The following DCLK2 variants were observed in gnomAD, a reference collection of about 807,000 sequenced individuals.
The protein encoded by DCLK2 is serine/threonine-protein kinase DCLK2.
A neutral mutation model predicts 78.4 loss-of-function variants in DCLK2; 31 were observed. The observed-to-expected ratio is 0.40, with a 90% CI of 0.30 to 0.53. The LOEUF (loss-of-function observed/expected upper bound fraction) is 0.53, where lower values mean the gene tolerates loss of function less well. Ranked by LOEUF, DCLK2 falls within the 20% of genes least tolerant of loss-of-function variation. The probability of loss-of-function intolerance (pLI) is 0.61; values close to 1 mark genes in which losing one functional copy is unlikely to be tolerated. For missense variants in DCLK2, 872 were observed against 973.7 expected (o/e 0.90, Z 1.39); for synonymous variants, 407 against 374.9 (o/e 1.09, Z -0.99).
At chr4:150,242,318 G>A (rs959029583) in intron 12 of DCLK2, among the ~76,000 whole-genome samples, 3 of 152,198 alleles carry the variant, frequency 2.0e-5, no homozygotes, top group Non-Finnish European at 4.4e-5. Context: ...GCATTTGAGT[G>A]AGACCTTTGT....
chr4:150,255,990 A>G (rs1381297713), intron 15 of DCLK2, 30 bp from the exon 16 acceptor site: 14 of 1,602,398 alleles, frequency 8.7e-6, no homozygotes, highest in East Asian at 2.3e-5. Context: ...GGGCCCGGGT[A>G]ATGTGTTGTC....
At chr4:150,085,259 C>G (rs546349268) in intron 1 of DCLK2, among the ~76,000 whole-genome samples, 14 of 152,264 alleles carry the variant, frequency 9.2e-5, no homozygotes, top group Admixed American at 2.0e-4. Context: ...TGGGAGGTGT[C>G]TTGGTTCATT....
chr4:150,088,176 A>G (rs1729776335), intron 1 of DCLK2, among the ~76,000 whole-genome samples: 2 of 152,160 alleles, frequency 1.3e-5, no homozygotes, highest in African/African-American at 4.8e-5. Flanking sequence ...CTGAAGAATC[A>G]AGAAAAAAGG....
intron 7 of DCLK2, among the ~76,000 whole-genome samples, 191 bp downstream of exon 7, chr4:150,221,976 G>GTTTATTTA (rs1301938606): frequency 6.4e-4 from 91 of 141,968 alleles, no homozygotes; most frequent in African/African-American, 2.4e-3. Context: ...TTGTTTGTTT[G>GTTTATTTA]TTTATTTATT....
chr4:150,118,350 A>G (rs1308733116), intron 2 of DCLK2, among the ~76,000 whole-genome samples: 2 of 152,194 alleles, frequency 1.3e-5, no homozygotes, highest in African/African-American at 4.8e-5. Context: ...GCAAAATTAT[A>G]CTTTGAGTAG....
At chr4:150,179,169 A>G (rs983919912) in intron 2 of DCLK2, among the ~76,000 whole-genome samples, 1 of 152,048 alleles carries the variant, frequency 6.6e-6, no homozygotes, top group Non-Finnish European at 1.5e-5. Context: ...CTGGGACTAC[A>G]GGCGCCCGCC....
chr4:150,141,833 A>G (rs554881965), intron 2 of DCLK2, among the ~76,000 whole-genome samples: 1 of 152,320 alleles, frequency 6.6e-6, no homozygotes, highest in African/African-American at 2.4e-5. Context: ...TTGTTTTCCA[A>G]GACAAGGAAT....
chr4:150,200,471 T>TTTATCTGTATAGTGC (rs879476188), intron 4 of DCLK2, among the ~76,000 whole-genome samples: 1 of 152,224 alleles, frequency 6.6e-6, no homozygotes, highest in Non-Finnish European at 1.5e-5. Context: ...AGCTACTATA[T>TTTATCTGTATAGTGC]TTATCTGTAT....
chr4:150,215,997 A>G (rs1740689297), intron 5 of DCLK2, among the ~76,000 whole-genome samples: 1 of 152,244 alleles, frequency 6.6e-6, no homozygotes, highest in Non-Finnish European at 1.5e-5. Context: ...ACATGGATGA[A>G]AACCAGTATA....
At position 150,197,582 on chromosome 4, in the gene DCLK2, C is replaced by T. The variant is rs576068101; in HGVS notation, c.860-420C>T. Among the ~76,000 whole-genome samples, 712 of 152,092 alleles carry T rather than the reference C, an allele frequency of 4.7e-3. 3 individuals are homozygous for T. Among genetic ancestry groups the T allele is most frequent in the Non-Finnish European group, 6.9e-3 (468 of 67,988 alleles). On this transcript the variant is annotated intron_variant, in intron 3 of 15. Coordinates refer to ENST00000296550, the MANE Select transcript of DCLK2 (RefSeq NM_001040260.4). ...CAGCCTGGCCAACATAGTGAAACCCCGTCTCTACTAATAATACAAAAAATT... is the reference window on the plus strand; with the variant it reads ...CAGCCTGGCCAACATAGTGAAACCCTGTCTCTACTAATAATACAAAAAATT...
intron 1 of DCLK2, among the ~76,000 whole-genome samples, chr4:150,089,454 C>T (rs1729891414): frequency 6.6e-6 from 1 of 152,092 alleles, no homozygotes; most frequent in Non-Finnish European, 1.5e-5. Context: ...TGTACTATGC[C>T]CTGTTTATTT....
intron 2 of DCLK2, 125 bp downstream of exon 2, chr4:150,102,937 TTGTGTGTGTGTGTGTA>T (rs951392385): frequency 2.2e-5 from 19 of 848,992 alleles, no homozygotes; most frequent in Admixed American, 6.4e-5. Flanking sequence ...ATACTTGAGA[TTGTGTGTGTGTGTGTA>T]TGTGTGTGTG....
intron 2 of DCLK2, among the ~76,000 whole-genome samples, chr4:150,115,205 T>C (rs1731988526): frequency 6.6e-6 from 1 of 152,240 alleles, no homozygotes; most frequent in African/African-American, 2.4e-5. Flanking sequence ...GTGTTTTTCA[T>C]TTCCAGAAGT....
chr4:150,196,094 G>T (rs753307110), intron 3 of DCLK2, among the ~76,000 whole-genome samples: 1 of 151,994 alleles, frequency 6.6e-6, no homozygotes, highest in Non-Finnish European at 1.5e-5. Flanking sequence ...AACTTGTATT[G>T]TAATCTTAAT....
intron 4 of DCLK2, among the ~76,000 whole-genome samples, chr4:150,203,395 T>C (rs1430356835): frequency 6.6e-6 from 1 of 152,224 alleles, no homozygotes; most frequent in African/African-American, 2.4e-5. Context: ...CTTGGTTATC[T>C]TGGTATACAC....
In DCLK2 at chr4:150,173,237, C is replaced by T. The variant is rs180941973; in HGVS notation, c.757-19901C>T. Among the ~76,000 whole-genome samples the T allele has an allele frequency of 3.3e-5, 5 of 152,266 alleles. No individual in the cohort carries two copies. The East Asian group carries it at 9.6e-4, about 29-fold the overall frequency. On this transcript the variant is annotated intron_variant, in intron 2 of 15. Transcript: ENST00000296550. ...TGTGCAGCAGACCTAGTGCCCTTCA[C>T]TCTCCTGCCCGTCACTCTGCAGTGG... is the stretch of plus-strand genomic sequence containing the variant.
At chr4:150,250,366 A>G (rs1484769575) in intron 15 of DCLK2, among the ~76,000 whole-genome samples, 1 of 152,136 alleles carries the variant, frequency 6.6e-6, no homozygotes, top group African/African-American at 2.4e-5. Flanking sequence ...CAAAAGGAAA[A>G]AACATTGAAC....
At chr4:150,172,748 T>C (rs1214308021) in intron 2 of DCLK2, among the ~76,000 whole-genome samples, 3 of 83,228 alleles carry the variant, frequency 3.6e-5, no homozygotes, top group Non-Finnish European at 5.3e-5. Context: ...TAGAGAGTGT[T>C]CTTTTTTTTT....
intron 2 of DCLK2, among the ~76,000 whole-genome samples, chr4:150,109,348 T>TG (rs1239190305): frequency 2.0e-5 from 3 of 151,966 alleles, no homozygotes; most frequent in Non-Finnish European, 1.5e-5. Context: ...TTTTTTTTTT[T>TG]TCTCTGAGAC....
Sources: gnomAD v4.1 joint callset for allele counts (sites outside exome capture counted in the v4.1 genomes callset) on GRCh38, gnomAD v4.1.1 for gene constraint, MANE v1.5 for transcripts, NCBI Gene and HGNC (gene_info 2026-07-23, HGNC 2026-07-21) for gene names.